Variants in GBE1 observed in about 807,000 individuals in gnomAD.
GBE1 encodes the protein 1,4-alpha-glucan branching enzyme 1, also known as 1,4-alpha-glucan-branching enzyme.
In GBE1, 70 loss-of-function variants were observed where a neutral mutation model predicts 88.8. That is an observed-to-expected ratio of 0.79 (90% confidence interval 0.65 to 0.96). GBE1 has a LOEUF of 0.96. Ranked by LOEUF, GBE1 falls within the 40% of genes least tolerant of loss-of-function variation. The probability of loss-of-function intolerance (pLI) is 0.00; values close to 1 mark genes in which losing one functional copy is unlikely to be tolerated. For synonymous variants in GBE1, 284 were observed against 300.1 expected (o/e 0.95, Z 0.56); for missense variants, 872 against 871.0 (o/e 1.00, Z -0.01).
chr3:81,705,126 TG>T (rs1705755974), intron 2 of GBE1, among the ~76,000 whole-genome samples: 1 of 152,158 alleles, frequency 6.6e-6, no homozygotes, highest in African/African-American at 2.4e-5. Flanking sequence ...GGATTGCTAT[TG>T]GTTTTGTCAG....
chr3:81,600,265 C>CAAATAAAT lies in GBE1; in HGVS notation c.993-6250_993-6243dup, dbSNP rs71277596. 1.7e-3 allele frequency among the ~76,000 whole-genome samples: 262 copies of CAAATAAAT among 151,472 alleles called. 4 individuals are homozygous for CAAATAAAT. The East Asian group carries it at 0.038, about 22-fold the overall frequency. On this transcript the variant is annotated intron_variant, in intron 7 of 15. Coordinates refer to ENST00000429644, the MANE Select transcript of GBE1 (RefSeq NM_000158.4). ...ACAGAGTGAGACTCCGTCTCAAAAA[C>CAAATAAAT]AAATAAATAAATAAATAAATAAATG...
At chr3:81,759,652 C>G (rs985894518) in intron 1 of GBE1, among the ~76,000 whole-genome samples, 6 of 152,196 alleles carry the variant, frequency 3.9e-5, no homozygotes, top group Admixed American at 3.9e-4. Flanking sequence ...CAGAGTGAGG[C>G]ATGAGGGCCC....
intron 7 of GBE1, among the ~76,000 whole-genome samples, chr3:81,597,967 A>C (rs1703982218): frequency 6.6e-6 from 1 of 150,956 alleles, no homozygotes; most frequent in South Asian, 2.1e-4. Context: ...AAAACTGTTG[A>C]TTGTCTTACA....
At chr3:81,687,370 G>T (rs931105135) in intron 2 of GBE1, among the ~76,000 whole-genome samples, 16 of 152,274 alleles carry the variant, frequency 1.1e-4, no homozygotes, top group Middle Eastern at 3.4e-3. Flanking sequence ...ATCTGTGACA[G>T]CAATTTCTTC....
intron 2 of GBE1, among the ~76,000 whole-genome samples, chr3:81,678,914 G>A (rs756779699): frequency 1.3e-5 from 2 of 152,100 alleles, no homozygotes; most frequent in Non-Finnish European, 2.9e-5. Context: ...TAATAAGGAT[G>A]ATAAGAGTTA....
In GBE1 at chr3:81,750,645, GTATATATATATA is replaced by G. The variant is rs557781058; in HGVS notation, c.143+10718_143+10729del. Among the ~76,000 whole-genome samples the G allele has an allele frequency of 1.6e-3, 75 of 47,710 alleles. 9 individuals carry two copies. Among genetic ancestry groups the G allele is most frequent in the African/African-American group, 8.0e-3 (42 of 5,248 alleles). 31.3% of individuals were successfully genotyped at this position (47,710 alleles called of 152,430 possible). ...TATATATATACGTATATATATATAT[GTATATATATATA>G]TGTATATATATATATACGTATATAT... On this transcript the variant is annotated intron_variant, in intron 1 of 15. Transcript: ENST00000429644.
At chr3:81,702,102 AGTGTGTGTGTGTGTGT>A (rs571028865) in intron 2 of GBE1, among the ~76,000 whole-genome samples, 12,566 of 115,426 alleles carry the variant, frequency 0.11, 1,912 homozygotes, top group African/African-American at 0.29. Context: ...AGAGAGAGAG[AGTGTGTGTGTGTGTGT>A]GTGTGTGTGT....
intron 11 of GBE1, among the ~76,000 whole-genome samples, chr3:81,578,420 T>A (rs942761028): frequency 2.0e-5 from 3 of 151,872 alleles, no homozygotes; most frequent in African/African-American, 7.2e-5. Context: ...TTTATTATAA[T>A]GTTGAGAATA....
chr3:81,634,998 G>A (rs1038208985), intron 7 of GBE1, among the ~76,000 whole-genome samples: 4 of 152,014 alleles, frequency 2.6e-5, no homozygotes, highest in Admixed American at 6.6e-5. Flanking sequence ...ACAGCTCATC[G>A]GCCTCCTTCA....
At chr3:81,601,595 G>A (rs1332760521) in intron 7 of GBE1, among the ~76,000 whole-genome samples, 2 of 152,080 alleles carry the variant, frequency 1.3e-5, no homozygotes, top group African/African-American at 2.4e-5. Context: ...TGGGTATAAC[G>A]TGATGGCAGT....
intron 14 of GBE1, among the ~76,000 whole-genome samples, chr3:81,500,817 T>C (rs1204961774): frequency 1.3e-5 from 2 of 152,226 alleles, no homozygotes; most frequent in African/African-American, 2.4e-5. Flanking sequence ...TACATGTTTT[T>C]ACTATTAAAA....
chr3:81,646,558 A>G, intron 5 of GBE1, 76 bp from the exon 6 acceptor site: 1 of 773,906 alleles, frequency 1.3e-6, no homozygotes, highest in East Asian at 2.6e-5. Context: ...AAGCATCCTT[A>G]TTCCAAATAC....
intron 6 of GBE1, among the ~76,000 whole-genome samples, chr3:81,643,492 C>A (rs1372321769): frequency 6.6e-6 from 1 of 152,116 alleles, no homozygotes; most frequent in Non-Finnish European, 1.5e-5. Context: ...TTTGTCACCA[C>A]CCAAGTAAAT....
intron 7 of GBE1, among the ~76,000 whole-genome samples, chr3:81,620,557 C>G (rs1704313213): frequency 6.6e-6 from 1 of 151,908 alleles, no homozygotes; most frequent in South Asian, 2.1e-4. Flanking sequence ...AGAAAGTATT[C>G]TAATAGTTAA....
intron 3 of GBE1, among the ~76,000 whole-genome samples, chr3:81,667,448 G>T (rs927207993): frequency 1.3e-5 from 2 of 151,994 alleles, no homozygotes; most frequent in African/African-American, 4.8e-5. Context: ...TCTTTCTCTT[G>T]CCTGATTGCC....
At chr3:81,742,377 A>C (rs533993934) in intron 1 of GBE1, among the ~76,000 whole-genome samples, 10 of 152,286 alleles carry the variant, frequency 6.6e-5, no homozygotes, top group Non-Finnish European at 1.0e-4. Context: ...TCAGGTGGAC[A>C]ATTAAAATTC....
At chr3:81,539,111 A>G (rs1170285237) in intron 12 of GBE1, among the ~76,000 whole-genome samples, 2 of 152,082 alleles carry the variant, frequency 1.3e-5, no homozygotes, top group Non-Finnish European at 1.5e-5. Context: ...TTTACAGATA[A>G]GGAAACTGAG....
At chr3:81,657,641 C>T (rs7648237) in intron 3 of GBE1, among the ~76,000 whole-genome samples, 96,015 of 151,952 alleles carry the variant, frequency 0.63, 31,844 homozygotes, top group East Asian at 0.94. Flanking sequence ...ATTTAGGCTA[C>T]AAATGACATT....
rs572108088 is a variant in GBE1 at position 81,640,103 on chromosome 3, T to C, written c.992+2678A>G. Among the ~76,000 whole-genome samples the C allele has an allele frequency of 1.7e-4, 26 of 152,310 alleles. 1 individual carries two copies. The highest frequency in any genetic ancestry group is 1.7e-3 in the Admixed American group (26 of 15,298). On this transcript the variant is annotated intron_variant, in intron 7 of 15. Coordinates refer to ENST00000429644, the MANE Select transcript of GBE1 (RefSeq NM_000158.4). Reference sequence around the variant, plus strand: ...TTTATATACACTGGCTTTGGAGGATTTTATCTATATTGTTTAATAATGTCA... The same window carrying C: ...TTTATATACACTGGCTTTGGAGGATCTTATCTATATTGTTTAATAATGTCA...
Sources: allele counts gnomAD v4.1 joint callset (sites outside exome capture counted in the v4.1 genomes callset), GRCh38; gene constraint gnomAD v4.1.1; transcripts MANE v1.5; gene names NCBI Gene and HGNC (gene_info 2026-07-23, HGNC 2026-07-21).